RNF6: variants seen among roughly 807,000 people sequenced by gnomAD.
The protein encoded by RNF6 is ring finger protein 6.
In RNF6, 21 loss-of-function variants were observed where a neutral mutation model predicts 50.1. That is an observed-to-expected ratio of 0.42 (90% CI 0.30 to 0.60). RNF6 has a LOEUF of 0.60. Among genes scored for constraint, RNF6 ranks in the 20% least tolerant of loss-of-function variants. RNF6 has a pLI of 0.20. For synonymous variants in RNF6, 255 were observed against 291.8 expected, an observed-to-expected ratio of 0.87 and a Z score of 1.29; for missense variants, 698 against 838.2, an observed-to-expected ratio of 0.83 and a Z score of 2.07.
upstream of RNF6, among the ~76,000 whole-genome samples, chr13:26,223,021 G>T (rs534271286): frequency 6.6e-6 from 1 of 152,238 alleles, no homozygotes; most frequent in East Asian, 1.9e-4. Context: ...TTACCTCACC[G>T]TTAGTTAAGA....
chr13:26,190,251 G>T (rs1275324015), intron 5 of RNF6, among the ~76,000 whole-genome samples: 3 of 152,122 alleles, frequency 2.0e-5, no homozygotes, highest in African/African-American at 4.8e-5. Flanking sequence ...AATAGATTGG[G>T]CCCGCCCTGA....
rs1017032817 is a variant in RNF6, at chr13:26,217,253, T to G, written c.289+1258A>C. ...AATAATAAAATGTGTTAATGTCCAC[T>G]TCCCATTTGTTTGGAAAAAGAATGA... is the stretch of plus-strand genomic sequence containing the variant. On this transcript the variant is annotated intron_variant, in intron 4 of 4. Coordinates refer to ENST00000381588, the MANE Select transcript of RNF6 (RefSeq NM_005977.4). 3.3e-5 allele frequency among the ~76,000 whole-genome samples: 5 copies of G among 152,352 alleles called. No individual in the cohort carries two copies. The South Asian group carries it at 1.0e-3, about 32-fold the overall frequency.
At chr13:26,206,090 A>AC (rs1284391256) in intron 5 of RNF6, among the ~76,000 whole-genome samples, 1 of 152,162 alleles carries the variant, frequency 6.6e-6, no homozygotes, top group African/African-American at 2.4e-5. Flanking sequence ...AACCTGCTCT[A>AC]CCATGCTTCT....
chr13:26,174,827 TCCACA>T (rs990585254), intron 5 of RNF6, among the ~76,000 whole-genome samples: 13 of 151,916 alleles, frequency 8.6e-5, no homozygotes, highest in African/African-American at 3.1e-4. Flanking sequence ...GTCCCTCCCC[TCCACA>T]CCGTGCTTCT....
chr13:26,187,535 TCTTCCTGCGGTCCCCTCCCCAG>T (rs1412888300), intron 5 of RNF6, among the ~76,000 whole-genome samples: 1 of 152,170 alleles, frequency 6.6e-6, no homozygotes, highest in Non-Finnish European at 1.5e-5. Context: ...TTACCCTAGT[TCTTCCTGCGGTCCCCTCCCCAG>T]GGATTAGGCC....
chr13:26,180,954 G>A (rs368233435), intron 5 of RNF6, among the ~76,000 whole-genome samples: 1 of 152,232 alleles, frequency 6.6e-6, no homozygotes, highest in Non-Finnish European at 1.5e-5. Flanking sequence ...TGTAGTCGGA[G>A]ATGTTCTTGT....
At chr13:26,217,025 ATC>A (rs1274091785) in intron 4 of RNF6, among the ~76,000 whole-genome samples, 3 of 152,218 alleles carry the variant, frequency 2.0e-5, no homozygotes, top group African/African-American at 7.2e-5. Context: ...CATTCCTGCA[ATC>A]TCTCTCGTAA....
chr13:26,155,870 G>A (rs1871893434), intron 5 of RNF6, among the ~76,000 whole-genome samples: 1 of 152,184 alleles, frequency 6.6e-6, no homozygotes, highest in African/African-American at 2.4e-5. Flanking sequence ...GGGGCGGACA[G>A]GGCAGAAGGA....
chr13:26,143,345 C>A (rs1400558141), intron 5 of RNF6, among the ~76,000 whole-genome samples: 2 of 152,144 alleles, frequency 1.3e-5, no homozygotes, highest in African/African-American at 4.8e-5. Flanking sequence ...TCAATCACCC[C>A]ATCCAGCAAA....
In RNF6 at chr13:26,148,632, T is replaced by TATA. The variant is rs1427060316; in HGVS notation, n.769-16182_769-16181insTAT. On this transcript the variant is annotated intron_variant and non_coding_transcript_variant, in intron 5 of 5. Transcript: ENST00000468480. ...AATAGAAACAATAGTATAAATCTCTTTATATATATATATATATATATATAT... is the reference window on the plus strand; with the variant it reads ...AATAGAAACAATAGTATAAATCTCTTATATATATATATATATATATATATATAT... Among the ~76,000 whole-genome samples the TATA allele has an allele frequency of 4.2e-4, 20 of 47,068 alleles. No individual in the cohort carries two copies. The East Asian group carries it at 4.4e-3, about 10-fold the overall frequency. 30.9% of individuals were successfully genotyped at this position (47,068 alleles called of 152,430 possible). A position where few individuals can be genotyped will look rare whatever the true frequency, so the allele number is the denominator to read the frequency against.
chr13:26,191,401 G>A (rs1425610150), intron 5 of RNF6, among the ~76,000 whole-genome samples: 1 of 152,136 alleles, frequency 6.6e-6, no homozygotes, highest in African/African-American at 2.4e-5. Context: ...CAGAGTGGCG[G>A]TCAATTAATA....
In RNF6 at chr13:26,218,614, A is replaced by T; in HGVS notation, c.194-8T>A. On this transcript the variant is annotated splice_polypyrimidine_tract_variant and splice_region_variant and intron_variant, in intron 3 of 4. Transcript: ENST00000381588. ...CTTCTGATGTTATTTCTCCTAAAAC[A>T]ATGAAAAACTGCTCATTTAAGAATT... The T allele has an allele frequency of 6.2e-7, 1 of 1,610,350 alleles. No individual in the cohort carries two copies. Among genetic ancestry groups the T allele is most frequent in the Non-Finnish European group, 8.5e-7 (1 of 1,176,858 alleles).
chr13:26,158,645 T>C (rs1872059773), intron 5 of RNF6, among the ~76,000 whole-genome samples: 1 of 152,096 alleles, frequency 6.6e-6, no homozygotes, highest in Non-Finnish European at 1.5e-5. Context: ...TAAAAACAGG[T>C]TTTAGAACAA....
intron 5 of RNF6, among the ~76,000 whole-genome samples, chr13:26,188,105 C>T (rs1026539445): frequency 5.3e-5 from 8 of 152,214 alleles, no homozygotes; most frequent in Non-Finnish European, 1.0e-4. Context: ...TGTAACTGCT[C>T]ATTTGCAGGC....
chr13:26,151,526 G>C (rs982822132), intron 5 of RNF6, among the ~76,000 whole-genome samples: 1 of 151,966 alleles, frequency 6.6e-6, no homozygotes, highest in Non-Finnish European at 1.5e-5. Flanking sequence ...GCCTCCCAAA[G>C]TGCTGGGATT....
At chr13:26,132,472 G>A (rs1378515088) in intron 5 of RNF6, 1 of 457,022 alleles carries the variant, frequency 2.2e-6, no homozygotes, top group Non-Finnish European at 4.4e-6. Context: ...AAACCAAAGA[G>A]AGAAAAATAA....
intron 5 of RNF6, among the ~76,000 whole-genome samples, chr13:26,144,152 C>A (rs1326752688): frequency 6.6e-6 from 1 of 152,114 alleles, no homozygotes; most frequent in Non-Finnish European, 1.5e-5. Context: ...ATGTTCCACT[C>A]TCCATGTCAA....
chr13:26,166,011 G>C (rs766777138), intron 5 of RNF6, among the ~76,000 whole-genome samples: 13 of 152,194 alleles, frequency 8.5e-5, no homozygotes, highest in African/African-American at 3.1e-4. Context: ...TGGTTTGGCT[G>C]TGTCCCCACC....
chr13:26,173,859 G>A (rs920553230), intron 5 of RNF6, among the ~76,000 whole-genome samples: 3 of 148,594 alleles, frequency 2.0e-5, no homozygotes, highest in African/African-American at 7.5e-5. Flanking sequence ...GCTGAGGCAG[G>A]AGAATCACTT....
Sources: gnomAD v4.1 joint callset for allele counts (sites outside exome capture counted in the v4.1 genomes callset) on GRCh38, gnomAD v4.1.1 for gene constraint, MANE v1.5 for transcripts, NCBI Gene and HGNC (gene_info 2026-07-23, HGNC 2026-07-21) for gene names.